SLC68A1: variants seen among roughly 807,000 people sequenced by gnomAD.
The protein encoded by SLC68A1 is solute carrier family 68 member 1.
chr10:102,470,727 A>T, the SLC68A1 span: 1 of 1,613,446 alleles, frequency 6.2e-7, no homozygotes, highest in Non-Finnish European at 8.5e-7. Context: ...CTGGGCTGGC[A>T]TGGGCCGCTG....
At chr10:102,471,978 T>C in the SLC68A1 span, 1 of 455,734 alleles carries the variant, frequency 2.2e-6, no homozygotes, top group South Asian at 1.6e-5. Context: ...ATGCCCCCTT[T>C]GGGGACCCTC....
At chr10:102,476,650 G>T in the SLC68A1 span, 3 of 986,172 alleles carry the variant, frequency 3.0e-6, no homozygotes, top group South Asian at 9.4e-5. Flanking sequence ...CTTGGGCAAG[G>T]GCTGGGCCAT....
At chr10:102,471,297 A>G in the SLC68A1 span, 831,538 of 1,613,468 alleles carry the variant, frequency 0.52, 219,149 homozygotes, top group Middle Eastern at 0.59. Flanking sequence ...AGCTGCTTGT[A>G]GGCAGTGAGG....
the SLC68A1 span, chr10:102,469,140 T>C: frequency 2.2e-5 from 35 of 1,614,000 alleles, no homozygotes; most frequent in African/African-American, 5.3e-5. Flanking sequence ...TGCTCTACTA[T>C]GTGGACACCT....
chr10:102,468,904 A>C, the SLC68A1 span: 1 of 731,360 alleles, frequency 1.4e-6, no homozygotes, highest in Non-Finnish European at 2.2e-6. Flanking sequence ...TCTGGGGTTA[A>C]GAACAGAGCT....
At chr10:102,471,028 G>A in the SLC68A1 span, 2 of 1,613,606 alleles carry the variant, frequency 1.2e-6, no homozygotes, top group East Asian at 4.5e-5. Flanking sequence ...GCTCTGGGCT[G>A]GGCTTTCTGG....
chr10:102,468,685 T>C, the SLC68A1 span: 1 of 190,294 alleles, frequency 5.3e-6, no homozygotes, highest in Non-Finnish European at 1.1e-5. Flanking sequence ...AAAAAAGACA[T>C]CGAGCATCCA....
chr10:102,471,780 TG>T, the SLC68A1 span, among the ~76,000 whole-genome samples: 1 of 147,842 alleles, frequency 6.8e-6, no homozygotes, highest in East Asian at 2.0e-4. Flanking sequence ...AAAAAAGAGC[TG>T]GGAACTGAGT....
At chr10:102,474,102 C>T in the SLC68A1 span, 17 of 1,390,006 alleles carry the variant, frequency 1.2e-5, no homozygotes, top group African/African-American at 2.2e-4. Flanking sequence ...GCTCTGGGTC[C>T]AGTGACGGAA....
the SLC68A1 span, chr10:102,469,950 A>G: frequency 1.2e-6 from 2 of 1,602,676 alleles, no homozygotes; most frequent in Non-Finnish European, 1.7e-6. Flanking sequence ...CCTGGAGAGG[A>G]TGCTGTCTAG....
At chr10:102,473,608 T>A in the SLC68A1 span, 1 of 1,613,514 alleles carries the variant, frequency 6.2e-7, no homozygotes. Flanking sequence ...CAACCTCTAC[T>A]TCCTGTCCCT....
the SLC68A1 span, chr10:102,469,676 A>G: frequency 2.3e-5 from 4 of 174,278 alleles, no homozygotes; most frequent in African/African-American, 9.6e-5. Context: ...CCTCATGAGT[A>G]GATGGGATTA....
At chr10:102,470,555 G>A in the SLC68A1 span, 38 of 1,507,548 alleles carry the variant, frequency 2.5e-5, no homozygotes, top group African/African-American at 4.9e-4. Flanking sequence ...CCACCCTGTT[G>A]TGAGTCCCAC....
At chr10:102,473,128 G>A in the SLC68A1 span, 1 of 633,594 alleles carries the variant, frequency 1.6e-6, no homozygotes, top group East Asian at 2.8e-5. Context: ...GCCCAGCCAG[G>A]GACAATCTTT....
the SLC68A1 span, chr10:102,476,911 TGA>T: frequency 1.0e-6 from 1 of 985,560 alleles, no homozygotes; most frequent in Non-Finnish European, 1.2e-6. Context: ...GTGGTTTCTC[TGA>T]GAGGTTTCTC....
the SLC68A1 span, among the ~76,000 whole-genome samples, chr10:102,463,628 G>T: frequency 7.3e-5 from 11 of 151,204 alleles, no homozygotes; most frequent in African/African-American, 2.4e-4. Context: ...GGCAGGGTGT[G>T]GGGGGGATGA....
chr10:102,476,167 A>C, the SLC68A1 span: 1 of 1,109,292 alleles, frequency 9.0e-7, no homozygotes, highest in Non-Finnish European at 1.2e-6. Context: ...ACCCAGGTTC[A>C]AGCAATTATC....
chr10:102,475,176 G>T, the SLC68A1 span, among the ~76,000 whole-genome samples: 1 of 152,032 alleles, frequency 6.6e-6, no homozygotes, highest in Non-Finnish European at 1.5e-5. Flanking sequence ...CATGCCTGTA[G>T]CCCCAGCTAT....
chr10:102,473,979 C>T, the SLC68A1 span: 2 of 1,609,776 alleles, frequency 1.2e-6, no homozygotes, highest in East Asian at 4.5e-5. Context: ...CTTTGCCCCG[C>T]TGCTGGGCAC....
Sources: gnomAD v4.1 joint callset for allele counts (sites outside exome capture counted in the v4.1 genomes callset) on GRCh38, gnomAD v4.1.1 for gene constraint, MANE v1.5 for transcripts, NCBI Gene and HGNC (gene_info 2026-07-23, HGNC 2026-07-21) for gene names.